Variants in FGF12 observed in about 807,000 individuals in gnomAD.
The protein encoded by FGF12 is fibroblast growth factor 12B.
Under a neutral mutation model 23.6 loss-of-function variants are expected in FGF12, and 14 were observed. The ratio of observed to expected loss-of-function variants is 0.59; its 90% CI spans 0.39 to 0.93. The LOEUF (loss-of-function observed/expected upper bound fraction) is 0.93, where lower values mean the gene tolerates loss of function less well. Among genes scored for constraint, FGF12 ranks in the 40% least tolerant of loss-of-function variants. FGF12 has a pLI of 0.00. For synonymous variants in FGF12, 62 were observed against 77.3 expected (o/e 0.80, Z 1.04); for missense variants, 175 against 217.8 (o/e 0.80, Z 1.24).
At chr3:192,486,498 T>C (rs1384385623) in intron 2 of FGF12, among the ~76,000 whole-genome samples, 4 of 151,918 alleles carry the variant, frequency 2.6e-5, no homozygotes, top group Non-Finnish European at 5.9e-5. Context: ...GGGGAAATGT[T>C]GCAGAAGAGG....
At chr3:192,475,775 C>T (rs368613970) in intron 2 of FGF12, among the ~76,000 whole-genome samples, 9 of 152,178 alleles carry the variant, frequency 5.9e-5, no homozygotes, top group African/African-American at 2.2e-4. Flanking sequence ...TCACAGGGAC[C>T]GAACACAACT....
At chr3:192,246,920 G>A (rs1476123665) in intron 4 of FGF12, among the ~76,000 whole-genome samples, 1 of 98,284 alleles carries the variant, frequency 1.0e-5, no homozygotes, top group Non-Finnish European at 1.8e-5. Flanking sequence ...AAGAGAAAAA[G>A]AAAGAAAGAA....
In FGF12 at chr3:192,436,047, C is replaced by T. The variant is rs146299938; in HGVS notation, c.14-75509G>A. Among the ~76,000 whole-genome samples the T allele has an allele frequency of 3.9e-3, 589 of 152,282 alleles. 2 individuals carry two copies. The highest frequency in any genetic ancestry group is 0.014 in the African/African-American group (567 of 41,558). On this transcript the variant is annotated intron_variant, in intron 2 of 5. Coordinates refer to ENST00000445105, the MANE Select transcript of FGF12 (RefSeq NM_004113.6). The stretch of plus-strand genomic sequence containing the variant: ...CAAGCAATTCTCAAAGTTTTCTCCT[C>T]GTCTTTATTGAACACTCACTTCACG...
chr3:192,629,172 T>C (rs946302440), intron 2 of FGF12, among the ~76,000 whole-genome samples: 6 of 152,350 alleles, frequency 3.9e-5, no homozygotes, highest in Admixed American at 2.0e-4. Flanking sequence ...ATTAATTTGC[T>C]TAATGAGTAG....
intron 4 of FGF12, among the ~76,000 whole-genome samples, chr3:192,224,269 C>T (rs1718617830): frequency 6.6e-6 from 1 of 152,088 alleles, no homozygotes; most frequent in South Asian, 2.1e-4. Context: ...ATGATAATGA[C>T]ATACAATTCC....
At chr3:192,158,413 T>TTCCTTTCTTTC (rs1560171646) in intron 5 of FGF12, among the ~76,000 whole-genome samples, 292 of 6,974 alleles carry the variant, frequency 0.042, 4 homozygotes, top group African/African-American at 0.093. Context: ...TTTTCTTTCT[T>TTCCTTTCTTTC]TCTCTTTCTT....
At chr3:192,628,154 T>G (rs1715244357) in intron 2 of FGF12, among the ~76,000 whole-genome samples, 1 of 152,114 alleles carries the variant, frequency 6.6e-6, no homozygotes, top group Non-Finnish European at 1.5e-5. Context: ...CCCTGGAGAT[T>G]CATCCATGTT....
At chr3:192,544,684 G>T (rs1318436373) in intron 2 of FGF12, among the ~76,000 whole-genome samples, 2 of 152,062 alleles carry the variant, frequency 1.3e-5, no homozygotes, top group South Asian at 2.1e-4. Context: ...GTAGGGTCTG[G>T]ATTTCACATT....
chr3:192,626,799 T>C (rs1715186343), intron 2 of FGF12, among the ~76,000 whole-genome samples: 1 of 152,018 alleles, frequency 6.6e-6, no homozygotes, highest in East Asian at 1.9e-4. Context: ...GTAGAGGTGG[T>C]GTCTCACTGC....
intron 2 of FGF12, among the ~76,000 whole-genome samples, chr3:192,702,287 C>T (rs1389372222): frequency 6.6e-6 from 1 of 152,098 alleles, no homozygotes; most frequent in Non-Finnish European, 1.5e-5. Context: ...TAGGTTGTTT[C>T]CATATCTTGG....
intron 2 of FGF12, among the ~76,000 whole-genome samples, chr3:192,568,061 G>C (rs2108601489): frequency 6.6e-6 from 1 of 152,032 alleles, no homozygotes; most frequent in African/African-American, 2.4e-5. Flanking sequence ...TTGAACTCCT[G>C]ACCTCAGGTG....
Position 192,479,157 on chromosome 3 carries a change from G to T in FGF12, c.14-118619C>A, listed in dbSNP as rs181067729. On this transcript the variant is annotated intron_variant, in intron 2 of 5. Coordinates refer to ENST00000445105, the MANE Select transcript of FGF12 (RefSeq NM_004113.6). ...ATATTCCCTTTTGAAGAGGCAATAT[G>T]CCTGGGCCTCCCTCCTTCTCCTCAC... Among the ~76,000 whole-genome samples, 3 of 152,256 alleles carry T rather than the reference G, an allele frequency of 2.0e-5. No homozygotes were observed. In the East Asian group the frequency reaches 5.8e-4, roughly 29 times the overall value.
At chr3:192,180,513 C>T (rs545412386) in intron 4 of FGF12, among the ~76,000 whole-genome samples, 19 of 152,148 alleles carry the variant, frequency 1.2e-4, no homozygotes, top group Non-Finnish European at 2.6e-4. Context: ...GCTTCTAGTG[C>T]CTCAGCCTCT....
chr3:192,612,081 T>A (rs1334596848), intron 2 of FGF12, among the ~76,000 whole-genome samples: 1 of 151,962 alleles, frequency 6.6e-6, no homozygotes. Flanking sequence ...TGACTCTCTA[T>A]ATACCCATTT....
At chr3:192,597,642 G>A (rs780664309) in intron 2 of FGF12, among the ~76,000 whole-genome samples, 40 of 151,978 alleles carry the variant, frequency 2.6e-4, no homozygotes, top group Non-Finnish European at 3.4e-4. Context: ...GGAAAGAGTG[G>A]CTGTGTTGAC....
chr3:192,173,186 T>G (rs1715662393), intron 4 of FGF12, among the ~76,000 whole-genome samples: 1 of 150,796 alleles, frequency 6.6e-6, no homozygotes, highest in African/African-American at 2.4e-5. Flanking sequence ...GGATGAAATG[T>G]TCTGGGATTA....
At chr3:192,662,580 A>G (rs1405411893) in intron 2 of FGF12, among the ~76,000 whole-genome samples, 1 of 152,176 alleles carries the variant, frequency 6.6e-6, no homozygotes, top group Non-Finnish European at 1.5e-5. Flanking sequence ...GGAGCCCTTG[A>G]TAGACTCTTT....
chr3:192,240,831 C>G (rs1719580591), intron 4 of FGF12, among the ~76,000 whole-genome samples: 1 of 152,046 alleles, frequency 6.6e-6, no homozygotes, highest in Non-Finnish European at 1.5e-5. Context: ...TTCACCATAA[C>G]AAAGCAAAGC....
At chr3:192,447,677 T>C (rs1722395749) in intron 2 of FGF12, among the ~76,000 whole-genome samples, 1 of 152,198 alleles carries the variant, frequency 6.6e-6, no homozygotes. Flanking sequence ...TAATGACTAC[T>C]TAACATTAAA....
Sources: allele counts gnomAD v4.1 joint callset (sites outside exome capture counted in the v4.1 genomes callset), GRCh38; gene constraint gnomAD v4.1.1; transcripts MANE v1.5; gene names NCBI Gene and HGNC (gene_info 2026-07-23, HGNC 2026-07-21).